The following SNTG2 variants were observed in gnomAD, a reference collection of about 807,000 sequenced individuals.
SNTG2 encodes syntrophin gamma 2.
In SNTG2, 74 loss-of-function variants were observed where a neutral mutation model predicts 70.9. That is an observed-to-expected ratio of 1.04 (90% CI 0.86 to 1.27). SNTG2 has a LOEUF of 1.27. Among genes scored for constraint, SNTG2 ranks in the 50% most tolerant of loss-of-function variants. The pLI is 0.00. For missense variants in SNTG2, 717 were observed against 690.7 expected, an observed-to-expected ratio of 1.04 and a Z score of -0.43; for synonymous variants, 278 against 273.8, an observed-to-expected ratio of 1.02 and a Z score of -0.15.
intron 1 of SNTG2, among the ~76,000 whole-genome samples, chr2:1,061,575 A>C (rs1160887820): frequency 6.6e-6 from 1 of 152,336 alleles, no homozygotes; most frequent in South Asian, 2.1e-4. Context: ...CCAGGTATAC[A>C]GCTGTCAATC....
chr2:1,140,665 C>T (rs1282558962), intron 6 of SNTG2, among the ~76,000 whole-genome samples: 1 of 152,242 alleles, frequency 6.6e-6, no homozygotes, highest in Non-Finnish European at 1.5e-5. Context: ...TGTAATCACC[C>T]CAGGATATCT....
chr2:1,208,571 C>T (rs946000387), intron 8 of SNTG2, among the ~76,000 whole-genome samples: 6 of 152,082 alleles, frequency 3.9e-5, no homozygotes, highest in South Asian at 2.1e-4. Flanking sequence ...CCTTCCCAGA[C>T]GGGCTTCCTG....
At chr2:1,143,540 G>C (rs2147782429) in intron 6 of SNTG2, among the ~76,000 whole-genome samples, 1 of 151,944 alleles carries the variant, frequency 6.6e-6, no homozygotes, top group Non-Finnish European at 1.5e-5. Context: ...AGTTGGGATT[G>C]CTGGAATGCA....
intron 1 of SNTG2, among the ~76,000 whole-genome samples, chr2:1,032,914 C>T (rs1269086380): frequency 1.3e-5 from 2 of 152,176 alleles, no homozygotes; most frequent in African/African-American, 4.8e-5. Context: ...GCACTGACAT[C>T]TGCCTAGATT....
At chr2:1,165,801 C>T (rs1328645607) in intron 7 of SNTG2, among the ~76,000 whole-genome samples, 166 bp downstream of exon 7, 2 of 152,166 alleles carry the variant, frequency 1.3e-5, no homozygotes, top group Admixed American at 6.5e-5. Flanking sequence ...AGTCCCATGA[C>T]GTTGTATGTT....
chr2:1,255,674 T>A (rs1192551590), intron 12 of SNTG2, among the ~76,000 whole-genome samples: 1 of 151,540 alleles, frequency 6.6e-6, no homozygotes, highest in Non-Finnish European at 1.5e-5. Flanking sequence ...ACAAACACAC[T>A]AGGAGTGCCC....
chr2:1,200,335 A>T (rs1673198106), intron 8 of SNTG2, among the ~76,000 whole-genome samples: 1 of 151,924 alleles, frequency 6.6e-6, no homozygotes, highest in African/African-American at 2.4e-5. Context: ...ATGAAACTGG[A>T]CCCCTATTTC....
intron 9 of SNTG2, among the ~76,000 whole-genome samples, chr2:1,232,483 A>T (rs1220066039): frequency 6.6e-6 from 1 of 151,974 alleles, no homozygotes; most frequent in Non-Finnish European, 1.5e-5. Context: ...TTTTTAGTAG[A>T]GACGGGGTTT....
rs968418682 is a variant in SNTG2 at position 1,347,357 on chromosome 2, G to C, written c.1489-19986G>C. ...GCCTGTGGGTCTTCCTGGTGTTAAGGCTCAGCCCATGAAAACCAAGGAGCC... is the reference window on the plus strand; with the variant it reads ...GCCTGTGGGTCTTCCTGGTGTTAAGCCTCAGCCCATGAAAACCAAGGAGCC... On this transcript the variant is annotated intron_variant, in intron 16 of 16. Transcript: ENST00000308624. Among the ~76,000 whole-genome samples, 15 of 152,154 alleles carry C rather than the reference G, an allele frequency of 9.9e-5. 1 individual carries two copies. Among genetic ancestry groups the C allele is most frequent in the Non-Finnish European group, 5.9e-5 (4 of 68,026 alleles).
intron 4 of SNTG2, among the ~76,000 whole-genome samples, chr2:1,099,860 T>C (rs1665669743): frequency 6.6e-6 from 1 of 152,224 alleles, no homozygotes; most frequent in South Asian, 2.1e-4. Flanking sequence ...AAGATTCTTT[T>C]TCGGCAGAAG....
intron 14 of SNTG2, among the ~76,000 whole-genome samples, chr2:1,281,885 C>T (rs1021974293): frequency 1.3e-5 from 2 of 152,136 alleles, no homozygotes; most frequent in African/African-American, 4.8e-5. Flanking sequence ...CAGCATCAGC[C>T]ACTGCACCCC....
intron 14 of SNTG2, among the ~76,000 whole-genome samples, chr2:1,305,638 T>C (rs1485395499): frequency 3.9e-5 from 6 of 152,216 alleles, no homozygotes; most frequent in African/African-American, 1.4e-4. Context: ...AGGAAACAGA[T>C]TTTTTTAAAA....
intron 6 of SNTG2, among the ~76,000 whole-genome samples, chr2:1,162,288 C>T (rs1470551389): frequency 2.0e-5 from 3 of 152,018 alleles, no homozygotes; most frequent in African/African-American, 7.3e-5. Context: ...TGGAGGTGGG[C>T]AGGGAGGTGT....
At chr2:1,167,404 A>G (rs1249031236) in intron 7 of SNTG2, among the ~76,000 whole-genome samples, 7 of 148,606 alleles carry the variant, frequency 4.7e-5, no homozygotes, top group Non-Finnish European at 7.4e-5. Context: ...GGCCGCCCAC[A>G]GACGGCAGAA....
At chr2:1,298,225 C>T (rs1164046770) in intron 14 of SNTG2, among the ~76,000 whole-genome samples, 1 of 152,066 alleles carries the variant, frequency 6.6e-6, no homozygotes, top group African/African-American at 2.4e-5. Flanking sequence ...CTCTGCCTCC[C>T]AGGCTCAAGA....
At chr2:1,339,141 G>T (rs921603415) in intron 16 of SNTG2, among the ~76,000 whole-genome samples, 2 of 152,178 alleles carry the variant, frequency 1.3e-5, no homozygotes, top group African/African-American at 4.8e-5. Context: ...ATCTTACCAT[G>T]TGTTAAGGGG....
At chr2:1,088,401 G>C (rs1039688831) in intron 2 of SNTG2, among the ~76,000 whole-genome samples, 2 of 152,092 alleles carry the variant, frequency 1.3e-5, no homozygotes, top group African/African-American at 4.8e-5. Context: ...TTTCTTGGTT[G>C]GGTCCCACTC....
chr2:1,177,618 A>G (rs543556332), intron 8 of SNTG2, among the ~76,000 whole-genome samples: 18 of 152,186 alleles, frequency 1.2e-4, no homozygotes, highest in Non-Finnish European at 2.5e-4. Context: ...GAAGTATGAA[A>G]AAGAAATTAA....
intron 9 of SNTG2, among the ~76,000 whole-genome samples, chr2:1,218,431 C>G (rs1674538677): frequency 1.3e-5 from 2 of 152,208 alleles, no homozygotes; most frequent in Non-Finnish European, 2.9e-5. Context: ...CTCTGGAAAG[C>G]CCATAGCACG....
Sources: gnomAD v4.1 joint callset for allele counts (sites outside exome capture counted in the v4.1 genomes callset) on GRCh38, gnomAD v4.1.1 for gene constraint, MANE v1.5 for transcripts, NCBI Gene and HGNC (gene_info 2026-07-23, HGNC 2026-07-21) for gene names.